MIPOL1: variants seen among roughly 807,000 people sequenced by gnomAD.
MIPOL1 encodes mirror-image polydactyly 1.
MIPOL1 carries 57 observed loss-of-function variants against 60.9 expected under a neutral mutation model. That is an observed-to-expected ratio of 0.94 (90% CI 0.76 to 1.17). The LOEUF (loss-of-function observed/expected upper bound fraction) is 1.17. Ranked by LOEUF, MIPOL1 falls within the 50% of genes most tolerant of loss-of-function variation. The pLI, the probability that MIPOL1 is intolerant of heterozygous loss-of-function variation, is 0.00. For missense variants in MIPOL1, 551 were observed against 511.6 expected (o/e 1.08, Z -0.74); for synonymous variants, 179 against 168.8 (o/e 1.06, Z -0.47).
intron 9 of MIPOL1, among the ~76,000 whole-genome samples, chr14:37,320,856 C>A (rs911277801): frequency 2.0e-5 from 3 of 152,030 alleles, no homozygotes; most frequent in Non-Finnish European, 4.4e-5. Flanking sequence ...AATTGTGTCT[C>A]CCCATCCTCC....
intron 11 of MIPOL1, among the ~76,000 whole-genome samples, chr14:37,482,619 A>T (rs2094888480): frequency 6.6e-6 from 1 of 152,076 alleles, no homozygotes; most frequent in African/African-American, 2.4e-5. Flanking sequence ...AAACCATGAG[A>T]TCTCCTGAGA....
At chr14:37,470,088 G>A (rs955038275) in intron 11 of MIPOL1, among the ~76,000 whole-genome samples, 33 of 152,272 alleles carry the variant, frequency 2.2e-4, no homozygotes, top group African/African-American at 7.9e-4. Flanking sequence ...AGATGGTGAT[G>A]CCTAAGGAAA....
At chr14:37,400,703 G>T (rs1443964429) in intron 10 of MIPOL1, 1 of 152,126 alleles carries the variant, frequency 6.6e-6, no homozygotes. Context: ...GGTTTTCTTA[G>T]ATCTTGGGAA....
chr14:37,388,472 T>TC (rs1352979099), intron 10 of MIPOL1, among the ~76,000 whole-genome samples: 1 of 151,120 alleles, frequency 6.6e-6, no homozygotes, highest in East Asian at 1.9e-4. Flanking sequence ...AGATTATTTT[T>TC]GGGTTTTTTT....
At chr14:37,444,266 A>G (rs1357436248) in intron 11 of MIPOL1, among the ~76,000 whole-genome samples, 2 of 152,170 alleles carry the variant, frequency 1.3e-5, no homozygotes, top group African/African-American at 2.4e-5. Context: ...ATTGATCTGA[A>G]TTAACTTATT....
intron 1 of MIPOL1, among the ~76,000 whole-genome samples, chr14:37,198,751 TTTATGCAGGTTAAATC>T (rs1964747248): frequency 6.6e-6 from 1 of 152,114 alleles, no homozygotes; most frequent in Non-Finnish European, 1.5e-5. Context: ...CTTTGAGCAT[TTTATGCAGGTTAAATC>T]ACAGTGGTAG....
intron 9 of MIPOL1, among the ~76,000 whole-genome samples, chr14:37,340,365 G>T (rs929518896): frequency 6.6e-6 from 1 of 152,132 alleles, no homozygotes; most frequent in Non-Finnish European, 1.5e-5. Context: ...GTTTTAAGCT[G>T]CTTATTACAA....
chr14:37,518,664 G>T (rs188277466), intron 12 of MIPOL1, among the ~76,000 whole-genome samples: 1 of 152,178 alleles, frequency 6.6e-6, no homozygotes, highest in Admixed American at 6.5e-5. Context: ...ATTTTTCTTA[G>T]CTCTATCCTC....
At chr14:37,299,147 G>T (rs1489929558) in intron 7 of MIPOL1, among the ~76,000 whole-genome samples, 1 of 152,112 alleles carries the variant, frequency 6.6e-6, no homozygotes, top group African/African-American at 2.4e-5. Context: ...GTCCTTTGTA[G>T]GGACATGGAT....
intron 11 of MIPOL1, among the ~76,000 whole-genome samples, chr14:37,459,172 G>A (rs779538813): frequency 6.6e-6 from 1 of 151,804 alleles, no homozygotes; most frequent in Non-Finnish European, 1.5e-5. Flanking sequence ...AAAGCTCAGA[G>A]CAGAACTAAA....
At chr14:37,458,851 AAAT>A (rs1483687998) in intron 11 of MIPOL1, among the ~76,000 whole-genome samples, 12 of 17,774 alleles carry the variant, frequency 6.8e-4, no homozygotes, top group Admixed American at 2.1e-3. Flanking sequence ...GACTGTCAAT[AAAT>A]AAATAAATAA....
rs5807941 is a variant in MIPOL1, at chr14:37,234,942, ATT to A, written c.-198-12140_-198-12139del. ...AGGCGCCCACCACCACGTACGGCTA[ATT>A]TTTTTTTTTTTTTTTTTTTTGTATT... On this transcript the variant is annotated intron_variant, in intron 1 of 12. Coordinates refer to ENST00000684589, the MANE Select transcript of MIPOL1 (RefSeq NM_001388067.1). 2.5e-3 allele frequency among the ~76,000 whole-genome samples: 292 copies of A among 116,808 alleles called. 2 individuals carry two copies. Among genetic ancestry groups the A allele is most frequent in the African/African-American group, 9.0e-3 (278 of 30,920 alleles). The allele number at this position is 116,808 out of a possible 152,430, so 76.6% of individuals were successfully genotyped here.
chr14:37,394,070 ATATAT>A (rs1171706135), intron 10 of MIPOL1, among the ~76,000 whole-genome samples: 2 of 133,780 alleles, frequency 1.5e-5, no homozygotes, highest in Non-Finnish European at 3.2e-5. Context: ...ATATATATAT[ATATAT>A]ATATATATAT....
intron 10 of MIPOL1, among the ~76,000 whole-genome samples, chr14:37,395,548 A>G (rs1262013773): frequency 6.6e-6 from 1 of 152,012 alleles, no homozygotes; most frequent in African/African-American, 2.4e-5. Flanking sequence ...CATTGATTTG[A>G]TTCTCTGCTT....
At chr14:37,475,473 G>T (rs1419168730) in intron 11 of MIPOL1, among the ~76,000 whole-genome samples, 1 of 151,848 alleles carries the variant, frequency 6.6e-6, no homozygotes, top group Non-Finnish European at 1.5e-5. Flanking sequence ...TGTTTTTGGT[G>T]ATACATCTAA....
chr14:37,509,521 G>A (rs926344558), intron 12 of MIPOL1, among the ~76,000 whole-genome samples: 7 of 151,834 alleles, frequency 4.6e-5, no homozygotes, highest in Admixed American at 2.0e-4. Flanking sequence ...ATGACTCTGG[G>A]TGCTGGCAAG....
intron 11 of MIPOL1, among the ~76,000 whole-genome samples, chr14:37,498,747 ATT>A (rs1252011470): frequency 6.6e-6 from 1 of 152,148 alleles, no homozygotes; most frequent in African/African-American, 2.4e-5. Flanking sequence ...AAGTGGTTTC[ATT>A]TGGTATGCTG....
intron 11 of MIPOL1, among the ~76,000 whole-genome samples, chr14:37,477,289 C>T (rs924907198): frequency 1.3e-5 from 2 of 151,704 alleles, no homozygotes; most frequent in Non-Finnish European, 1.5e-5. Flanking sequence ...TGGATGAGAT[C>T]GTAGAGAATT....
intron 7 of MIPOL1, among the ~76,000 whole-genome samples, chr14:37,293,368 G>C (rs1366614373): frequency 6.6e-6 from 1 of 152,110 alleles, no homozygotes; most frequent in Non-Finnish European, 1.5e-5. Flanking sequence ...CCAGTCTACA[G>C]CTCCCAGCAT....
Sources: allele counts gnomAD v4.1 joint callset (sites outside exome capture counted in the v4.1 genomes callset), GRCh38; gene constraint gnomAD v4.1.1; transcripts MANE v1.5; gene names NCBI Gene and HGNC (gene_info 2026-07-23, HGNC 2026-07-21).